MAP7: variants seen among roughly 807,000 people sequenced by gnomAD.
The protein encoded by MAP7 is microtubule associated protein 7, also known as ensconsin.
Under a neutral mutation model 94.8 loss-of-function variants are expected in MAP7, and 52 were observed. The observed-to-expected ratio is 0.55, with a 90% confidence interval of 0.44 to 0.69. The LOEUF (loss-of-function observed/expected upper bound fraction) is 0.69, where lower values mean the gene tolerates loss of function less well. MAP7 is among the 30% of genes least tolerant of loss of function. The probability of loss-of-function intolerance (pLI) is 0.00; values close to 1 mark genes in which losing one functional copy is unlikely to be tolerated. For missense variants in MAP7, 940 were observed against 964.6 expected, an observed-to-expected ratio of 0.97 and a Z score of 0.34; for synonymous variants, 350 against 357.0, an observed-to-expected ratio of 0.98 and a Z score of 0.22.
rs141052381 is a variant in MAP7, at chr6:136,376,122, G to C, written c.751+1633C>G. ...AAAAGCGGTTTTTTTTTTTTGAGAC[G>C]GAGTCTCGCTCTATCCCCCAGGCTG... On this transcript the variant is annotated intron_variant, in intron 7 of 17. Transcript: ENST00000354570. 8.1e-3 allele frequency among the ~76,000 whole-genome samples: 1,218 copies of C among 151,286 alleles called. 16 individuals are homozygous for C. Among genetic ancestry groups the C allele is most frequent in the African/African-American group, 0.027 (1,123 of 41,244 alleles).
chr6:136,452,254 A>ACAT (rs1424854452), intron 1 of MAP7, among the ~76,000 whole-genome samples: 1 of 146,050 alleles, frequency 6.8e-6, no homozygotes, highest in Admixed American at 6.8e-5. Context: ...TGAATGGATG[A>ACAT]GGAGTTGTTT....
chr6:136,466,912 C>G, intron 1 of MAP7: 1 of 1,477,328 alleles, frequency 6.8e-7, no homozygotes, highest in Non-Finnish European at 9.0e-7. Flanking sequence ...ACTATTATCT[C>G]TCACACAGCT....
intron 3 of MAP7, among the ~76,000 whole-genome samples, chr6:136,400,650 A>C (rs1383591405): frequency 6.6e-6 from 1 of 152,222 alleles, no homozygotes; most frequent in East Asian, 1.9e-4. Context: ...CTACCAGAAA[A>C]AATAGAACTG....
intron 5 of MAP7, among the ~76,000 whole-genome samples, chr6:136,384,557 C>A (rs1045811106): frequency 6.6e-6 from 1 of 150,950 alleles, no homozygotes; most frequent in African/African-American, 2.4e-5. Flanking sequence ...GATCATAGCT[C>A]ACTGCAGCCT....
At chr6:136,484,293 C>T (rs1813909122) in intron 1 of MAP7, among the ~76,000 whole-genome samples, 1 of 152,176 alleles carries the variant, frequency 6.6e-6, no homozygotes. Flanking sequence ...GCTAACTAAA[C>T]ATTATCTTAT....
chr6:136,451,810 G>A (rs143402710), intron 1 of MAP7, among the ~76,000 whole-genome samples: 1 of 152,322 alleles, frequency 6.6e-6, no homozygotes, highest in Non-Finnish European at 1.5e-5. Flanking sequence ...CAAGACTTCA[G>A]TGGAGGTTAG....
At chr6:136,471,192 C>T (rs1046198026) in intron 1 of MAP7, among the ~76,000 whole-genome samples, 3 of 152,118 alleles carry the variant, frequency 2.0e-5, no homozygotes, top group African/African-American at 7.2e-5. Flanking sequence ...ATACAATATA[C>T]ATTATTAAAG....
At chr6:136,425,654 G>A (rs1286016909) in intron 1 of MAP7, among the ~76,000 whole-genome samples, 1 of 152,074 alleles carries the variant, frequency 6.6e-6, no homozygotes, top group Non-Finnish European at 1.5e-5. Context: ...GGTATGAAGT[G>A]TTTTATCCAA....
chr6:136,482,430 C>T (rs1464897966), intron 1 of MAP7, among the ~76,000 whole-genome samples: 6 of 151,908 alleles, frequency 3.9e-5, no homozygotes, highest in African/African-American at 1.5e-4. Context: ...GAAACCCCGT[C>T]TCTACTAAAA....
At position 136,343,023 on chromosome 6, in the gene MAP7, C is replaced by T. The variant is rs907222397; in HGVS notation, c.*1205G>A. ...GCACATTACAGTGGTATAAATTTAT[C>T]TTTTAAACACTCCACATAAAAACAT... On this transcript the variant is annotated 3_prime_UTR_variant, in exon 18 of 18. Coordinates refer to ENST00000354570, the MANE Select transcript of MAP7 (RefSeq NM_003980.6). The T allele has an allele frequency of 5.2e-5, 8 of 152,494 alleles. No individual in the cohort carries two copies. Among genetic ancestry groups the T allele is most frequent in the African/African-American group, 1.9e-4 (8 of 41,454 alleles). 9.4% of individuals were successfully genotyped at this position (152,494 alleles called of 1,614,324 possible). A position where few individuals can be genotyped will look rare whatever the true frequency, so the allele number is the denominator to read the frequency against.
At chr6:136,464,040 T>A (rs944203756) in intron 1 of MAP7, among the ~76,000 whole-genome samples, 1 of 152,208 alleles carries the variant, frequency 6.6e-6, no homozygotes, top group Non-Finnish European at 1.5e-5. Flanking sequence ...GAGCAGAACG[T>A]TGGCCTCACC....
At chr6:136,539,536 C>A (rs1250369820) in intron 1 of MAP7, among the ~76,000 whole-genome samples, 2 of 152,140 alleles carry the variant, frequency 1.3e-5, no homozygotes, top group East Asian at 3.8e-4. Context: ...TTCATTTTTG[C>A]CTTGGACTTC....
intron 13 of MAP7, among the ~76,000 whole-genome samples, 156 bp downstream of exon 13, chr6:136,360,541 C>G (rs1317935557): frequency 6.6e-6 from 1 of 152,142 alleles, no homozygotes; most frequent in East Asian, 1.9e-4. Context: ...GGCTAAAACA[C>G]CGAGAGAGAT....
intron 16 of MAP7, among the ~76,000 whole-genome samples, chr6:136,349,674 T>A (rs1788605437): frequency 6.6e-6 from 1 of 152,210 alleles, no homozygotes; most frequent in Non-Finnish European, 1.5e-5. Flanking sequence ...ACTTGGCATA[T>A]TCACATATTT....
At chr6:136,533,818 A>G (rs1828670957) in intron 1 of MAP7, among the ~76,000 whole-genome samples, 1 of 152,196 alleles carries the variant, frequency 6.6e-6, no homozygotes, top group Non-Finnish European at 1.5e-5. Context: ...CAAGCCATTC[A>G]TAAGATCGGC....
intron 1 of MAP7, among the ~76,000 whole-genome samples, chr6:136,518,507 T>C (rs947092084): frequency 6.6e-6 from 1 of 152,172 alleles, no homozygotes; most frequent in Non-Finnish European, 1.5e-5. Context: ...TGGGGTATAA[T>C]GGGGTATGAC....
chr6:136,450,676 C>T (rs1033867621), intron 1 of MAP7, among the ~76,000 whole-genome samples: 1 of 151,728 alleles, frequency 6.6e-6, no homozygotes, highest in Non-Finnish European at 1.5e-5. Context: ...CCCAGCTACT[C>T]GGAAGGCTGA....
At chr6:136,388,667 C>A in intron 4 of MAP7, 157 bp from the exon 5 acceptor site, 3 of 577,610 alleles carry the variant, frequency 5.2e-6, no homozygotes, top group Non-Finnish European at 3.1e-6. Flanking sequence ...AGACTAGTGT[C>A]AATCTGGGAG....
chr6:136,372,634 G>C lies in MAP7; in HGVS notation c.752-9C>G, dbSNP rs774549437. On this transcript the variant is annotated splice_polypyrimidine_tract_variant and intron_variant, in intron 7 of 17. Coordinates refer to ENST00000354570, the MANE Select transcript of MAP7 (RefSeq NM_003980.6). ...GATGGGGCTGCAAGATGCTGAACGA[G>C]GACAAATGGGGATAACTAGGGTGCA... The C allele has an allele frequency of 6.2e-6, 10 of 1,614,168 alleles. No individual in the cohort carries two copies. The South Asian group carries it at 1.1e-4, about 18-fold the overall frequency.
Sources: gnomAD v4.1 joint callset for allele counts (sites outside exome capture counted in the v4.1 genomes callset) on GRCh38, gnomAD v4.1.1 for gene constraint, MANE v1.5 for transcripts, NCBI Gene and HGNC (gene_info 2026-07-23, HGNC 2026-07-21) for gene names.